The following OR56A4 variants were observed in gnomAD, a reference collection of about 807,000 sequenced individuals.
OR56A4 encodes the protein olfactory receptor 56A4.
A neutral mutation model predicts 13.6 loss-of-function variants in OR56A4; 9 were observed. The observed-to-expected ratio is 0.66, with a 90% confidence interval of 0.40 to 1.15. The LOEUF is 1.15. Among genes scored for constraint, OR56A4 ranks in the 50% most tolerant of loss-of-function variants. The probability of loss-of-function intolerance (pLI) is 0.01; values close to 1 mark genes in which losing one functional copy is unlikely to be tolerated. For synonymous variants in OR56A4, 167 were observed against 153.9 expected, an observed-to-expected ratio of 1.08 and a Z score of -0.63; for missense variants, 380 against 375.9, an observed-to-expected ratio of 1.01 and a Z score of -0.09.
chr11:6,003,013 T>C lies in OR56A4; in HGVS notation c.-21A>G. ...GCCATGTAAAGTTTCCTGATCAATC[T>C]GGAGACCCAGTGTACCTTAAAACGT... On this transcript the variant is annotated 5_prime_UTR_variant, in exon 3 of 3. Transcript: ENST00000641156. 1 of 1,614,150 alleles carries C rather than the reference T, an allele frequency of 6.2e-7. No homozygotes were observed. The highest frequency in any genetic ancestry group is 8.5e-7 in the Non-Finnish European group (1 of 1,179,984).
rs575939155 is a variant in OR56A4 at position 6,005,243 on chromosome 11, A to G, written c.-37+1006T>C. 5.9e-5 allele frequency among the ~76,000 whole-genome samples: 9 copies of G among 152,326 alleles called. No homozygotes were observed. The East Asian group carries it at 1.5e-3, about 26-fold the overall frequency. ...TTCTGTTAGGTCAAAAGATGCAACA[A>G]GCTAAGAGCATCAAAGGACAAAAAA... is the stretch of plus-strand genomic sequence containing the variant. On this transcript the variant is annotated intron_variant, in intron 2 of 2. Coordinates refer to ENST00000641156, the MANE Select transcript of OR56A4 (RefSeq NM_001005179.4).
rs560009262 is a variant in OR56A4, at chr11:6,000,589, T to A, written c.*1462A>T. 2 of 152,194 alleles carry A rather than the reference T, an allele frequency of 1.3e-5. No individual in the cohort carries two copies. Among genetic ancestry groups the A allele is most frequent in the East Asian group, 1.9e-4 (1 of 5,164 alleles). 9.4% of individuals were successfully genotyped at this position (152,194 alleles called of 1,614,324 possible). ...GTAACAAACCTGCACATTGTGCACA[T>A]GTACTCTAAAACTTAAAACATAATA... On this transcript the variant is annotated 3_prime_UTR_variant, in exon 3 of 3. Transcript: ENST00000641156.
chr11:6,001,946 C>T lies in OR56A4; in HGVS notation c.*105G>A. ...GAGAACAGAAGAATCCGAACTCAGG[C>T]AGGATTTAAAGTGAAATTTCCTTTC... On this transcript the variant is annotated 3_prime_UTR_variant, in exon 3 of 3. Coordinates refer to ENST00000641156, the MANE Select transcript of OR56A4 (RefSeq NM_001005179.4). 1 of 1,155,038 alleles carries T rather than the reference C, an allele frequency of 8.7e-7. No homozygotes were observed. The highest frequency in any genetic ancestry group is 1.2e-6 in the Non-Finnish European group (1 of 831,096). The allele number at this position is 1,155,038 out of a possible 1,614,324, so 71.5% of individuals were successfully genotyped here. A position where few individuals can be genotyped will look rare whatever the true frequency, so the allele number is the denominator to read the frequency against.
In OR56A4 at chr11:6,002,539, T is replaced by C. The variant is rs1353450553; in HGVS notation, c.454A>G (p.Ile152Val). 1 of 1,614,180 alleles carries C rather than the reference T, an allele frequency of 6.2e-7. No individual in the cohort carries two copies. Residue 152 changes from isoleucine (I) to valine (V), a missense_variant, in exon 3 of 3, where the codon ATA becomes GTA. Coordinates refer to ENST00000641156, the MANE Select transcript of OR56A4 (RefSeq NM_001005179.4). ...QFVARAVVFV[I>V]ARNAFVSLPV... ...AGAGAAACAAAGGCATTCCGGGCTA[T>C]AACAAAGACCACGGCCCTAGCCACA...
At position 6,001,247 on chromosome 11, in the gene OR56A4, G is replaced by C. The variant is rs1848210996; in HGVS notation, c.*804C>G. The C allele has an allele frequency of 6.6e-6, 1 of 152,156 alleles. No homozygotes were observed. Among genetic ancestry groups the C allele is most frequent in the Non-Finnish European group, 1.5e-5 (1 of 68,068 alleles). The allele number at this position is 152,156 out of a possible 1,614,324, so 9.4% of individuals were successfully genotyped here. ...GATGGCTCATTTGTGCCTAGGATGG[G>C]GACTTCAAGGTGAGATAGGAACTAG... On this transcript the variant is annotated 3_prime_UTR_variant, in exon 3 of 3. Transcript: ENST00000641156.
rs1590469747 is a variant in OR56A4, at chr11:6,000,838, T to C, written c.*1213A>G. 1 of 152,178 alleles carries C rather than the reference T, an allele frequency of 6.6e-6. No individual in the cohort carries two copies. The allele number at this position is 152,178 out of a possible 1,614,324, so 9.4% of individuals were successfully genotyped here. A position where few individuals can be genotyped will look rare whatever the true frequency, so the allele number is the denominator to read the frequency against. On this transcript the variant is annotated 3_prime_UTR_variant, in exon 3 of 3. Coordinates refer to ENST00000641156, the MANE Select transcript of OR56A4 (RefSeq NM_001005179.4). ...TATGTTAGGGCTAGAATATAGCAGG[T>C]CTGTAATAAAAAATGCTGTAACATA...
At position 6,006,335 on chromosome 11, in the gene OR56A4, G is replaced by T. The variant is rs1848259020; in HGVS notation, c.-123C>A. The T allele has an allele frequency of 6.6e-6, 1 of 152,126 alleles. No individual in the cohort carries two copies. 9.4% of individuals were successfully genotyped at this position (152,126 alleles called of 1,614,324 possible). On this transcript the variant is annotated 5_prime_UTR_variant, in exon 2 of 3. Coordinates refer to ENST00000641156, the MANE Select transcript of OR56A4 (RefSeq NM_001005179.4). ...GAGGCCTCCTAATCTGAGAAATGAA[G>T]AATTGTTGACCATCTGGGGCATTGT...
At position 6,000,797 on chromosome 11, in the gene OR56A4, T is replaced by C. The variant is rs1330538959; in HGVS notation, c.*1254A>G. 3 of 152,182 alleles carry C rather than the reference T, an allele frequency of 2.0e-5. No individual in the cohort carries two copies. Among genetic ancestry groups the C allele is most frequent in the Admixed American group, 2.0e-4 (3 of 15,276 alleles). The allele number at this position is 152,182 out of a possible 1,614,324, so 9.4% of individuals were successfully genotyped here. A position where few individuals can be genotyped will look rare whatever the true frequency, so the allele number is the denominator to read the frequency against. On this transcript the variant is annotated 3_prime_UTR_variant, in exon 3 of 3. Coordinates refer to ENST00000641156, the MANE Select transcript of OR56A4 (RefSeq NM_001005179.4). ...CTACAGTGGCAGAGAAAACAAAGTT[T>C]AAGATAAGTCGAAAGTATGTTAGGG...
chr11:6,001,007 A>C lies in OR56A4; in HGVS notation c.*1044T>G, dbSNP rs1045385323. On this transcript the variant is annotated 3_prime_UTR_variant, in exon 3 of 3. Transcript: ENST00000641156. ...GACAAATGATGGACTTGAAATCTGA[A>C]TTTGCATCCCCAAAAGAGACAGATT... The C allele has an allele frequency of 6.6e-6, 1 of 152,240 alleles. No homozygotes were observed. Among genetic ancestry groups the C allele is most frequent in the Non-Finnish European group, 1.5e-5 (1 of 68,042 alleles). The allele number at this position is 152,240 out of a possible 1,614,324, so 9.4% of individuals were successfully genotyped here.
At position 6,002,639 on chromosome 11, in the gene OR56A4, G is replaced by C; in HGVS notation, c.354C>G (p.Phe118Leu). The C allele has an allele frequency of 6.2e-7, 1 of 1,614,222 alleles. No homozygotes were observed. Among genetic ancestry groups the C allele is most frequent in the Non-Finnish European group, 8.5e-7 (1 of 1,180,026 alleles). The change falls in exon 3 of 3, where the codon TTC becomes TTG. Residue 118 changes from phenylalanine to leucine, a missense_variant. Coordinates refer to ENST00000641156, the MANE Select transcript of OR56A4 (RefSeq NM_001005179.4). ...CATAACGGTCATAGGCCATGACCAT[G>C]AACGTGCAGGACTCCATGGTCAAAA... Reference protein sequence around the residue: ...NSFLTMESCTFMVMAYDRYVA... With the variant: ...NSFLTMESCTLMVMAYDRYVA...
At position 6,002,615 on chromosome 11, in the gene OR56A4, A is replaced by T; in HGVS notation, c.378T>A (p.Tyr126Ter). Residue 126 changes from tyrosine to a stop codon, truncating the protein, a stop_gained, in exon 3 of 3, where the codon TAT (tyrosine) becomes TAA (stop). Transcript: ENST00000641156. LOFTEE classifies it high-confidence loss of function. Reference sequence around the variant, plus strand: ...ATCTCAATGGATGGCAGATGGCCACATAACGGTCATAGGCCATGACCATGA... The same window carrying T: ...ATCTCAATGGATGGCAGATGGCCACTTAACGGTCATAGGCCATGACCATGA... ...CTFMVMAYDR[Y>*]VAICHPLRYP... is the part of the protein sequence containing the mutation. 1 of 1,614,230 alleles carries T rather than the reference A, an allele frequency of 6.2e-7. No homozygotes were observed. Among genetic ancestry groups the T allele is most frequent in the Non-Finnish European group, 8.5e-7 (1 of 1,180,004 alleles).
rs1048497610 is a variant in OR56A4, at chr11:6,001,093, A to G, written c.*958T>C. 6.6e-6 allele frequency: 1 copy of G among 152,220 alleles called. No individual in the cohort carries two copies. Among genetic ancestry groups the G allele is most frequent in the South Asian group, 2.1e-4 (1 of 4,832 alleles). 9.4% of individuals were successfully genotyped at this position (152,220 alleles called of 1,614,324 possible). On this transcript the variant is annotated 3_prime_UTR_variant, in exon 3 of 3. Coordinates refer to ENST00000641156, the MANE Select transcript of OR56A4 (RefSeq NM_001005179.4). ...GTGGCATCATTAAGAAGGAAATGCC[A>G]AAATAGTAGAATACACTATTCTGTG...
chr11:6,005,574 C>A (rs1408412325), intron 2 of OR56A4, among the ~76,000 whole-genome samples: 2 of 152,138 alleles, frequency 1.3e-5, no homozygotes, highest in Non-Finnish European at 2.9e-5. Context: ...GTGTCTTAGA[C>A]CACTTTAACC....
intron 2 of OR56A4, among the ~76,000 whole-genome samples, chr11:6,005,568 CTT>C (rs60592764): frequency 0.012 from 1,842 of 152,298 alleles, 36 homozygotes; most frequent in African/African-American, 0.041. Flanking sequence ...TAGATGGTGT[CTT>C]AGACCACTTT....
chr11:6,001,850 G>A lies in OR56A4; in HGVS notation c.*201C>T, dbSNP rs761850962. ...CAAAGTAACCATAGAATCCAGAAAA[G>A]GGAGGTTTCCTTTCAAGCAACAGAA... On this transcript the variant is annotated 3_prime_UTR_variant, in exon 3 of 3. Transcript: ENST00000641156. 1 of 520,678 alleles carries A rather than the reference G, an allele frequency of 1.9e-6. No individual in the cohort carries two copies. The highest frequency in any genetic ancestry group is 3.2e-6 in the Non-Finnish European group (1 of 310,374). 32.3% of individuals were successfully genotyped at this position (520,678 alleles called of 1,614,324 possible).
Position 6,002,100 on chromosome 11 carries a change from C to A in OR56A4, c.893G>T (p.Arg298Ile). 6.2e-7 allele frequency: 1 copy of A among 1,611,520 alleles called. No homozygotes were observed. The highest frequency in any genetic ancestry group is 8.5e-7 in the Non-Finnish European group (1 of 1,178,916). Residue 298 changes from arginine to isoleucine, a missense_variant, in exon 3 of 3, where the codon AGA becomes ATA. Physicochemically the swap from Arg to Ile is moderately conservative, Grantham distance 97. Transcript: ENST00000641156. ...PALNPIVYGV[R>I]TKEIKQGIQN... ...GATTCCCTGCTTGATCTCCTTGGTT[C>A]TCACACCATAAACAATGGGGTTCAG...
At position 6,001,963 on chromosome 11, in the gene OR56A4, T is replaced by C; in HGVS notation, c.*88A>G. 2 of 1,361,150 alleles carry C rather than the reference T, an allele frequency of 1.5e-6. No homozygotes were observed. Among genetic ancestry groups the C allele is most frequent in the East Asian group, 4.7e-5 (2 of 42,118 alleles). 84.3% of individuals were successfully genotyped at this position (1,361,150 alleles called of 1,614,324 possible). The stretch of plus-strand genomic sequence containing the variant: ...AACTCAGGCAGGATTTAAAGTGAAA[T>C]TTCCTTTCCAACATAAAATTAATTC... On this transcript the variant is annotated 3_prime_UTR_variant, in exon 3 of 3. Transcript: ENST00000641156.
chr11:6,003,082 T>C, intron 2 of OR56A4, 54 bp from the exon 3 acceptor site: 1 of 1,609,408 alleles, frequency 6.2e-7, no homozygotes, highest in Non-Finnish European at 8.5e-7. Context: ...CTAGACGTAG[T>C]AGAGTGTGGG....
Position 6,002,069 on chromosome 11 carries a change from GT to G in OR56A4, c.923del (p.Asn308ThrfsTer3). On this transcript the variant is annotated frameshift_variant, in exon 3 of 3. Transcript: ENST00000641156. LOFTEE classifies it high-confidence loss of function. Reference protein sequence around the residue: ...RTKEIKQGIQNLLKRL With the variant: ...RTKEIKQGIQXLLKRL Reference sequence around the variant, plus strand: ...TTTATTCTTACAACCTCTTCAGCAGGTTTTGGATTCCCTGCTTGATCTCCTT... The same window carrying G: ...TTTATTCTTACAACCTCTTCAGCAGGTTTGGATTCCCTGCTTGATCTCCTT... 1.9e-6 allele frequency: 3 copies of G among 1,594,098 alleles called. No homozygotes were observed. Among genetic ancestry groups the G allele is most frequent in the East Asian group, 4.5e-5 (2 of 44,714 alleles).
Sources: gnomAD v4.1 joint callset for allele counts (sites outside exome capture counted in the v4.1 genomes callset) on GRCh38, gnomAD v4.1.1 for gene constraint, MANE v1.5 for transcripts, NCBI Gene and HGNC (gene_info 2026-07-23, HGNC 2026-07-21) for gene names.